Variants in CLDN1 observed in about 807,000 individuals in gnomAD.
CLDN1 encodes the protein claudin 1, also known as claudin-1.
CLDN1 carries 12 observed loss-of-function variants against 22.6 expected under a neutral mutation model. That is an observed-to-expected ratio of 0.53 (90% CI 0.34 to 0.86). The LOEUF is 0.86. Ranked by LOEUF, CLDN1 falls within the 40% of genes least tolerant of loss-of-function variation. CLDN1 has a pLI of 0.02. For missense variants in CLDN1, 250 were observed against 269.5 expected (o/e 0.93, Z 0.51); for synonymous variants, 99 against 103.8 (o/e 0.95, Z 0.28).
rs73889951 is a variant in CLDN1 at position 190,308,847 on chromosome 3, T to C, written c.474-408A>G. ...AGAAACTGATAGAGCATAATGGAGATAATCAGAGCTTTGAACAGATGATCC... is the reference window on the plus strand; with the variant it reads ...AGAAACTGATAGAGCATAATGGAGACAATCAGAGCTTTGAACAGATGATCC... On this transcript the variant is annotated intron_variant, in intron 3 of 3. Transcript: ENST00000295522. Among the ~76,000 whole-genome samples the C allele has an allele frequency of 6.6e-3, 1,010 of 152,290 alleles. 12 individuals are homozygous for C. Among genetic ancestry groups the C allele is most frequent in the African/African-American group, 0.022 (929 of 41,550 alleles).
At position 190,308,369 on chromosome 3, in the gene CLDN1, G is replaced by A. The variant is rs1289483522; in HGVS notation, c.544C>T (p.Leu182Phe). ...GTTTTTCGGGGACAGGAACAGCAAA[G>A]TAGGGCACCTCCCAGAAGGCAGAGA... ...ASLCLLGGALLCCSCPRKTTS... is the reference protein window; with the variant it reads ...ASLCLLGGALFCCSCPRKTTS... The change falls in exon 4 of 4, where the codon CTT becomes TTT. Residue 182 changes from leucine (L) to phenylalanine (F), a missense_variant. Coordinates refer to ENST00000295522, the MANE Select transcript of CLDN1 (RefSeq NM_021101.5). 8 of 1,613,840 alleles carry A rather than the reference G, an allele frequency of 5.0e-6. No individual in the cohort carries two copies. Among genetic ancestry groups the A allele is most frequent in the East Asian group, 4.5e-5 (2 of 44,864 alleles).
In CLDN1 at chr3:190,308,433, T is replaced by A; in HGVS notation, c.480A>T (p.Glu160Asp). The A allele has an allele frequency of 6.2e-7, 1 of 1,613,546 alleles. No homozygotes were observed. The highest frequency in any genetic ancestry group is 2.2e-5 in the East Asian group (1 of 44,874). ...DPMTPVNARY[E>D]FGQALFTGWA... is the part of the protein sequence containing the mutation. ...AGCCAGTGAAGAGAGCCTGACCAAA[T>A]TCGTACCTAAAAGGAAAAACCCATG... The change falls in exon 4 of 4, where the codon GAA (glutamate) becomes GAT (aspartate). Residue 160 changes from glutamate to aspartate, a missense_variant. Glu to Asp is a conservative substitution (Grantham distance 45). Coordinates refer to ENST00000295522, the MANE Select transcript of CLDN1 (RefSeq NM_021101.5).
At chr3:190,310,794 C>T (rs1269884344) in intron 2 of CLDN1, among the ~76,000 whole-genome samples, 1 of 152,092 alleles carries the variant, frequency 6.6e-6, no homozygotes, top group African/African-American at 2.4e-5. Flanking sequence ...CAAGGGAATA[C>T]CTGATATAGG....
chr3:190,313,177 T>C, intron 1 of CLDN1, 141 bp from the exon 2 acceptor site: 1 of 886,680 alleles, frequency 1.1e-6, no homozygotes, highest in Non-Finnish European at 1.8e-6. Context: ...ATACTGATGT[T>C]TCCGCTGGTA....
At chr3:190,320,589 G>A (rs1716892770) in intron 1 of CLDN1, among the ~76,000 whole-genome samples, 1 of 152,180 alleles carries the variant, frequency 6.6e-6, no homozygotes, top group Non-Finnish European at 1.5e-5. Flanking sequence ...CACATTGACT[G>A]AGCAAATGCC....
At chr3:190,317,338 T>C (rs1399009154) in intron 1 of CLDN1, among the ~76,000 whole-genome samples, 2 of 152,190 alleles carry the variant, frequency 1.3e-5, no homozygotes, top group Admixed American at 6.5e-5. Flanking sequence ...TTTAATTATA[T>C]TTAGCTAGAC....
chr3:190,312,647 C>G (rs968581302), intron 2 of CLDN1, among the ~76,000 whole-genome samples: 15 of 152,316 alleles, frequency 9.8e-5, no homozygotes, highest in African/African-American at 3.4e-4. Flanking sequence ...TCTAACAAAC[C>G]AGTTGCCACT....
chr3:190,321,873 G>T, intron 1 of CLDN1, 111 bp downstream of exon 1: 1 of 820,432 alleles, frequency 1.2e-6, no homozygotes, highest in Non-Finnish European at 2.0e-6. Flanking sequence ...CAGAAGACTT[G>T]ATCAACTGAA....
chr3:190,308,501 TA>T, intron 3 of CLDN1, 62 bp from the exon 4 acceptor site: 1 of 1,482,778 alleles, frequency 6.7e-7, no homozygotes, highest in East Asian at 2.3e-5. Flanking sequence ...TCTAATATAA[TA>T]AAAGGAAAAA....
intron 2 of CLDN1, among the ~76,000 whole-genome samples, 184 bp from the exon 3 acceptor site, chr3:190,310,437 A>T (rs1156756873): frequency 6.6e-6 from 1 of 152,162 alleles, no homozygotes; most frequent in Non-Finnish European, 1.5e-5. Context: ...ATTAAAATAT[A>T]AAAAAATACT....
At position 190,322,217 on chromosome 3, in the gene CLDN1, G is replaced by A. The variant is rs1198242008; in HGVS notation, c.-11C>T. ...CCCCGCGTTGGCCATGACTCGCTCG[G>A]GCGCCCGCGCTGGCTCAGGGGTGGC... On this transcript the variant is annotated 5_prime_UTR_variant, in exon 1 of 4. Coordinates refer to ENST00000295522, the MANE Select transcript of CLDN1 (RefSeq NM_021101.5). 1.2e-6 allele frequency: 2 copies of A among 1,612,858 alleles called. No individual in the cohort carries two copies. Among genetic ancestry groups the A allele is most frequent in the South Asian group, 1.1e-5 (1 of 91,046 alleles).
At chr3:190,314,855 G>A (rs1254872152) in intron 1 of CLDN1, among the ~76,000 whole-genome samples, 1 of 152,142 alleles carries the variant, frequency 6.6e-6, no homozygotes, top group Non-Finnish European at 1.5e-5. Flanking sequence ...AAGCATGTAT[G>A]GGCACACATG....
At chr3:190,312,753 G>T in intron 2 of CLDN1, 119 bp downstream of exon 2, 1 of 1,101,446 alleles carries the variant, frequency 9.1e-7, no homozygotes, top group Non-Finnish European at 1.4e-6. Flanking sequence ...TGGACTTCAG[G>T]TCTATGTTTG....
At chr3:190,310,379 T>C in intron 2 of CLDN1, 126 bp from the exon 3 acceptor site, 2 of 705,316 alleles carry the variant, frequency 2.8e-6, no homozygotes, top group Middle Eastern at 3.7e-4. Flanking sequence ...ATTTTTATTT[T>C]GGTATTAGGG....
At chr3:190,311,430 T>C (rs1716614599) in intron 2 of CLDN1, among the ~76,000 whole-genome samples, 1 of 152,178 alleles carries the variant, frequency 6.6e-6, no homozygotes, top group Non-Finnish European at 1.5e-5. Context: ...CATTTTAAAC[T>C]AACCACATCT....
rs572952241 is a variant in CLDN1 at position 190,308,566 on chromosome 3, G to A, written c.474-127C>T. Reference sequence around the variant, plus strand: ...TGAAAATAACCCCTGAATATCCCTTGGGAAGTACTTTAAGATTTCTGAACA... The same window carrying A: ...TGAAAATAACCCCTGAATATCCCTTAGGAAGTACTTTAAGATTTCTGAACA... On this transcript the variant is annotated intron_variant, in intron 3 of 3. Transcript: ENST00000295522. 33 of 895,228 alleles carry A rather than the reference G, an allele frequency of 3.7e-5. No individual in the cohort carries two copies. The African/African-American group carries it at 5.1e-4, about 14-fold the overall frequency. The allele number at this position is 895,228 out of a possible 1,614,324, so 55.5% of individuals were successfully genotyped here. A position where few individuals can be genotyped will look rare whatever the true frequency, so the allele number is the denominator to read the frequency against.
chr3:190,319,617 G>A (rs1281450314), intron 1 of CLDN1, among the ~76,000 whole-genome samples: 2 of 152,172 alleles, frequency 1.3e-5, no homozygotes, highest in African/African-American at 4.8e-5. Context: ...CATCTGGCCG[G>A]GAAGACAAGT....
At position 190,307,341 on chromosome 3, in the gene CLDN1, G is replaced by T. The variant is rs1716481937; in HGVS notation, c.*936C>A. 1 of 152,138 alleles carries T rather than the reference G, an allele frequency of 6.6e-6. No homozygotes were observed. The highest frequency in any genetic ancestry group is 6.5e-5 in the Admixed American group (1 of 15,276). 9.4% of individuals were successfully genotyped at this position (152,138 alleles called of 1,614,324 possible). A position where few individuals can be genotyped will look rare whatever the true frequency, so the allele number is the denominator to read the frequency against. ...ATGGGGAACAAAAAGGTAGTTTAGG[G>T]GGATATAAAACTATGAATAAGTAGC... On this transcript the variant is annotated 3_prime_UTR_variant, in exon 4 of 4. Coordinates refer to ENST00000295522, the MANE Select transcript of CLDN1 (RefSeq NM_021101.5).
At chr3:190,312,815 T>A in intron 2 of CLDN1, 57 bp downstream of exon 2, 2 of 1,592,404 alleles carry the variant, frequency 1.3e-6, no homozygotes, top group Non-Finnish European at 1.7e-6. Flanking sequence ...CGTAATAGAT[T>A]TCAAATCATA....
Sources: gnomAD v4.1 joint callset for allele counts (sites outside exome capture counted in the v4.1 genomes callset) on GRCh38, gnomAD v4.1.1 for gene constraint, MANE v1.5 for transcripts, NCBI Gene and HGNC (gene_info 2026-07-23, HGNC 2026-07-21) for gene names.